Variants in ODAD2 observed in about 807,000 individuals in gnomAD.
The protein encoded by ODAD2 is outer dynein arm docking complex subunit 2, also known as outer dynein arm-docking complex subunit 2.
ODAD2 carries 89 observed loss-of-function variants against 106.8 expected under a neutral mutation model. The observed-to-expected ratio is 0.83, with a 90% CI of 0.70 to 0.99. The LOEUF (loss-of-function observed/expected upper bound fraction) is 0.99, where lower values mean the gene tolerates loss of function less well. Ranked by LOEUF, ODAD2 falls within the 50% of genes least tolerant of loss-of-function variation. The pLI, the probability that ODAD2 is intolerant of heterozygous loss-of-function variation, is 0.00. For synonymous variants in ODAD2, 404 were observed against 436.2 expected, an observed-to-expected ratio of 0.93 and a Z score of 0.92; for missense variants, 1,168 against 1,238.5, an observed-to-expected ratio of 0.94 and a Z score of 0.85.
At chr10:27,839,335 A>G (rs1463385545) in intron 19 of ODAD2, among the ~76,000 whole-genome samples, 1 of 152,184 alleles carries the variant, frequency 6.6e-6, no homozygotes, top group Non-Finnish European at 1.5e-5. Flanking sequence ...CAACTCAGGA[A>G]AGAGAGGCTC....
At chr10:27,963,646 C>T (rs896235782) in intron 9 of ODAD2, among the ~76,000 whole-genome samples, 2 of 144,702 alleles carry the variant, frequency 1.4e-5, no homozygotes, top group Admixed American at 6.7e-5. Flanking sequence ...CAATAATAGA[C>T]TATTTATGGT....
intron 17 of ODAD2, among the ~76,000 whole-genome samples, chr10:27,899,341 G>T (rs550980873): frequency 6.6e-6 from 1 of 152,016 alleles, no homozygotes; most frequent in Non-Finnish European, 1.5e-5. Flanking sequence ...TCCCTCAGGC[G>T]CCCACACCAC....
chr10:27,887,386 A>G (rs758467082), intron 17 of ODAD2, among the ~76,000 whole-genome samples: 7 of 152,006 alleles, frequency 4.6e-5, no homozygotes, highest in Non-Finnish European at 8.8e-5. Context: ...AAAATAGGCA[A>G]CTTCAATATC....
In ODAD2 at chr10:27,935,799, T is replaced by C. The variant is rs191297467; in HGVS notation, c.2253-547A>G. Among the ~76,000 whole-genome samples the C allele has an allele frequency of 2.6e-3, 394 of 150,684 alleles. 2 individuals are homozygous for C. The highest frequency in any genetic ancestry group is 2.8e-3 in the Non-Finnish European group (187 of 67,938). On this transcript the variant is annotated intron_variant, in intron 15 of 19. Transcript: ENST00000305242. ...AAAATTGCACTCTGATATATATGTA[T>C]ATATGTATGTGTGCATACATATATA... is the stretch of plus-strand genomic sequence containing the variant.
chr10:27,843,043 G>T (rs1028355745), intron 19 of ODAD2, among the ~76,000 whole-genome samples: 1 of 152,136 alleles, frequency 6.6e-6, no homozygotes, highest in African/African-American at 2.4e-5. Flanking sequence ...TTGGATAAGT[G>T]CTGTATGATT....
intron 16 of ODAD2, among the ~76,000 whole-genome samples, chr10:27,926,525 C>G (rs1480229753): frequency 6.6e-6 from 1 of 151,974 alleles, no homozygotes; most frequent in African/African-American, 2.4e-5. Context: ...AAAATCTGGA[C>G]TTGAATAATG....
intron 16 of ODAD2, among the ~76,000 whole-genome samples, chr10:27,908,662 T>C (rs1843769230): frequency 6.6e-6 from 1 of 152,186 alleles, no homozygotes; most frequent in Non-Finnish European, 1.5e-5. Flanking sequence ...GAGCCACAGA[T>C]AGAATAAATA....
At chr10:27,970,366 C>T (rs375915196) in intron 8 of ODAD2, among the ~76,000 whole-genome samples, 14 of 152,120 alleles carry the variant, frequency 9.2e-5, no homozygotes, top group Non-Finnish European at 1.3e-4. Flanking sequence ...ATGACAGTTT[C>T]GCTGATTAGC....
intron 7 of ODAD2, among the ~76,000 whole-genome samples, 191 bp downstream of exon 7, chr10:27,981,275 T>C (rs919980418): frequency 6.6e-6 from 1 of 152,132 alleles, no homozygotes; most frequent in Non-Finnish European, 1.5e-5. Context: ...GTGAATGTAA[T>C]TAATGCCATT....
intron 17 of ODAD2, among the ~76,000 whole-genome samples, chr10:27,885,537 TATATATATATAAATATATAAATATAA>T (rs1290292546): frequency 0.068 from 1,324 of 19,494 alleles, 133 homozygotes; most frequent in Non-Finnish European, 0.074. Flanking sequence ...AAAAAAAATA[TATATATATATAAATATATAAATATAA>T]ATATATATAT....
chr10:27,908,841 A>T (rs1455991804), intron 16 of ODAD2, among the ~76,000 whole-genome samples: 1 of 152,198 alleles, frequency 6.6e-6, no homozygotes. Flanking sequence ...GCTGAAAAAG[A>T]GCATTGAAAA....
At chr10:27,989,052 C>T (rs1278163166) in intron 2 of ODAD2, among the ~76,000 whole-genome samples, 1 of 152,134 alleles carries the variant, frequency 6.6e-6, no homozygotes, top group Non-Finnish European at 1.5e-5. Flanking sequence ...ATAGGGGCCT[C>T]TAGAAGCTGG....
intron 16 of ODAD2, among the ~76,000 whole-genome samples, chr10:27,915,476 C>T (rs775518677): frequency 2.6e-4 from 40 of 152,198 alleles, no homozygotes; most frequent in Non-Finnish European, 2.8e-4. Context: ...ATTTATGAGG[C>T]CTCTACCCTC....
intron 7 of ODAD2, among the ~76,000 whole-genome samples, chr10:27,972,304 C>T (rs1420983983): frequency 6.6e-6 from 1 of 151,788 alleles, no homozygotes; most frequent in Admixed American, 6.6e-5. Flanking sequence ...AAACCAATAG[C>T]ATAAATAAAA....
At chr10:27,960,355 T>G (rs1353826842) in intron 10 of ODAD2, among the ~76,000 whole-genome samples, 1 of 141,492 alleles carries the variant, frequency 7.1e-6, no homozygotes, top group African/African-American at 2.7e-5. Context: ...TTATTATTAT[T>G]ATTATTTTGA....
chr10:27,908,103 T>C (rs1045244572), intron 16 of ODAD2, among the ~76,000 whole-genome samples: 1 of 152,210 alleles, frequency 6.6e-6, no homozygotes, highest in African/African-American at 2.4e-5. Flanking sequence ...TTTCATATAG[T>C]AACATTTAAA....
intron 19 of ODAD2, among the ~76,000 whole-genome samples, chr10:27,816,739 T>C (rs1836163222): frequency 1.3e-5 from 2 of 152,118 alleles, no homozygotes; most frequent in South Asian, 4.2e-4. Context: ...TATAAGATTG[T>C]TATGCAGTTT....
chr10:27,863,667 A>G (rs1840234609), intron 17 of ODAD2, among the ~76,000 whole-genome samples: 1 of 152,214 alleles, frequency 6.6e-6, no homozygotes, highest in Non-Finnish European at 1.5e-5. Flanking sequence ...TGAAGAGACT[A>G]CAAATCCATA....
At position 27,935,252 on chromosome 10, in the gene ODAD2, C is replaced by T. The variant is rs753480648; in HGVS notation, c.2253G>A (p.Lys751=). 1.2e-6 allele frequency: 2 copies of T among 1,613,248 alleles called. No individual in the cohort carries two copies. The highest frequency in any genetic ancestry group is 1.7e-5 in the Admixed American group (1 of 59,940). Residue 751 remains lysine (K), a splice_region_variant and synonymous_variant, in exon 16 of 20, where the codon AAG becomes AAA. Coordinates refer to ENST00000305242, the MANE Select transcript of ODAD2 (RefSeq NM_018076.5). ...KCSISKENVT[K]FREYKAIETL... Reference sequence around the variant, plus strand: ...TTTCAATGGCTTTGTATTCCCGAAACCTAAGTTCATCATAAGAAAGAGGAG... The same window carrying T: ...TTTCAATGGCTTTGTATTCCCGAAATCTAAGTTCATCATAAGAAAGAGGAG...
Sources: gnomAD v4.1 joint callset for allele counts (sites outside exome capture counted in the v4.1 genomes callset) on GRCh38, gnomAD v4.1.1 for gene constraint, MANE v1.5 for transcripts, NCBI Gene and HGNC (gene_info 2026-07-23, HGNC 2026-07-21) for gene names.